Variants in FRA10AC1 observed in about 807,000 individuals in gnomAD.
The protein encoded by FRA10AC1 is protein FRA10AC1.
Under a neutral mutation model 56.5 loss-of-function variants are expected in FRA10AC1, and 43 were observed. The observed-to-expected ratio is 0.76, with a 90% CI of 0.60 to 0.98. The LOEUF (loss-of-function observed/expected upper bound fraction) is 0.98. Ranked by LOEUF, FRA10AC1 falls within the 50% of genes least tolerant of loss-of-function variation. FRA10AC1 has a pLI of 0.00. For missense variants in FRA10AC1, 346 were observed against 351.8 expected (o/e 0.98, Z 0.13); for synonymous variants, 112 against 110.5 (o/e 1.01, Z -0.09).
At chr10:93,700,166 A>G in intron 1 of FRA10AC1, 60 bp from the exon 2 acceptor site, 1 of 961,516 alleles carries the variant, frequency 1.0e-6, no homozygotes, top group Non-Finnish European at 1.6e-6. Flanking sequence ...CCAGGAAACA[A>G]TAATTCAAAA....
Position 93,702,519 on chromosome 10 carries a change from A to ACCACCG in FRA10AC1, c.-151_-146dup, listed in dbSNP as rs1554897681. The ACCACCG allele has an allele frequency of 4.4e-5, 7 of 159,560 alleles. No individual in the cohort carries two copies. In the East Asian group the frequency reaches 1.2e-3, roughly 27 times the overall value. The allele number at this position is 159,560 out of a possible 1,614,324, so 9.9% of individuals were successfully genotyped here. A position where few individuals can be genotyped will look rare whatever the true frequency, so the allele number is the denominator to read the frequency against. ...CCTGCCGCACAGCCTCGCCACAACCACCACCGCCGCCGCCGCCGCCGCCGC... is the reference window on the plus strand; with the variant it reads ...CCTGCCGCACAGCCTCGCCACAACCACCACCGCCACCGCCGCCGCCGCCGCCGCCGC... On this transcript the variant is annotated 5_prime_UTR_variant, in exon 1 of 14. Transcript: ENST00000359204.
At position 93,669,780 on chromosome 10, in the gene FRA10AC1, C is replaced by T. The variant is rs189385723; in HGVS notation, c.*46G>A. 1.5e-6 allele frequency: 2 copies of T among 1,306,448 alleles called. No individual in the cohort carries two copies. The highest frequency in any genetic ancestry group is 4.8e-5 in the East Asian group (2 of 41,832). 80.9% of individuals were successfully genotyped at this position (1,306,448 alleles called of 1,614,324 possible). On this transcript the variant is annotated 3_prime_UTR_variant, in exon 14 of 14. Transcript: ENST00000359204. ...ATTTCAAATTGCATGAAGTTTAAAA[C>T]TTCATGAAGTTTCACATTAAGGAGC...
In FRA10AC1 at chr10:93,670,835, C is replaced by G; in HGVS notation, c.840G>C (p.Glu280Asp). 1 of 1,609,980 alleles carries G rather than the reference C, an allele frequency of 6.2e-7. No individual in the cohort carries two copies. Among genetic ancestry groups the G allele is most frequent in the Non-Finnish European group, 8.5e-7 (1 of 1,176,838 alleles). ...SEDSLLRNSD[E>D]EESASESELW... is the part of the protein sequence containing the mutation. The stretch of plus-strand genomic sequence containing the variant: ...GTTCAGATTCTGAAGCACTTTCTTC[C>G]TCATCAGAGTTTCCTGTTCATTTAA... The change falls in exon 13 of 14, where the codon GAG becomes GAC. Residue 280 changes from glutamate to aspartate, a missense_variant. By Grantham distance (45) the Glu-to-Asp change is conservative (BLOSUM62 2). Coordinates refer to ENST00000359204, the MANE Select transcript of FRA10AC1 (RefSeq NM_145246.5).
chr10:93,688,794 AAAAC>A (rs890509507), intron 7 of FRA10AC1, among the ~76,000 whole-genome samples: 2 of 152,146 alleles, frequency 1.3e-5, no homozygotes, highest in African/African-American at 4.8e-5. Context: ...AGCCTGTCTC[AAAAC>A]AAACAAACAA....
At chr10:93,681,057 T>C (rs1237393081) in intron 11 of FRA10AC1, among the ~76,000 whole-genome samples, 3 of 152,194 alleles carry the variant, frequency 2.0e-5, no homozygotes, top group South Asian at 2.1e-4. Flanking sequence ...TTATAGATTA[T>C]AGACTGTTTA....
intron 4 of FRA10AC1, among the ~76,000 whole-genome samples, chr10:93,695,569 C>G (rs542276627): frequency 6.6e-6 from 1 of 152,252 alleles, no homozygotes; most frequent in African/African-American, 2.4e-5. Flanking sequence ...CAACAGCACT[C>G]TCTCTAGAGC....
chr10:93,690,270 A>T (rs1447045482), intron 7 of FRA10AC1, among the ~76,000 whole-genome samples: 2 of 152,042 alleles, frequency 1.3e-5, no homozygotes, highest in Non-Finnish European at 2.9e-5. Context: ...CAAATTCTGT[A>T]TTTTTCTCAG....
At chr10:93,679,120 G>T (rs926867592) in intron 11 of FRA10AC1, among the ~76,000 whole-genome samples, 4 of 152,150 alleles carry the variant, frequency 2.6e-5, no homozygotes, top group African/African-American at 9.7e-5. Flanking sequence ...TACCATAGAA[G>T]TTGGGGGTAA....
rs771105664 is a variant in FRA10AC1 at position 93,668,024 on chromosome 10, G to T, written c.*1802C>A. On this transcript the variant is annotated 3_prime_UTR_variant, in exon 14 of 14. Transcript: ENST00000359204. ...TTACTTCCTAGATGGTTCCTTTACA[G>T]CCATGCCCAGCTCAGTGCCTCACAT... The T allele has an allele frequency of 1.3e-5, 2 of 152,108 alleles. No individual in the cohort carries two copies. Among genetic ancestry groups the T allele is most frequent in the African/African-American group, 2.4e-5 (1 of 41,422 alleles). 9.4% of individuals were successfully genotyped at this position (152,108 alleles called of 1,614,324 possible).
intron 13 of FRA10AC1, 105 bp from the exon 14 acceptor site, chr10:93,669,973 G>A: frequency 1.7e-6 from 1 of 603,048 alleles, no homozygotes; most frequent in East Asian, 3.1e-5. Context: ...TCAACATATT[G>A]GCTGATTCTG....
intron 5 of FRA10AC1, among the ~76,000 whole-genome samples, chr10:93,693,539 TATATATATAC>T (rs2059170301): frequency 4.6e-4 from 54 of 116,788 alleles, no homozygotes; most frequent in East Asian, 1.4e-3. Context: ...ACCATATATA[TATATATATAC>T]ACACATACAT....
intron 1 of FRA10AC1, among the ~76,000 whole-genome samples, chr10:93,702,007 T>C (rs186949828): frequency 2.0e-5 from 3 of 152,238 alleles, no homozygotes; most frequent in Non-Finnish European, 4.4e-5. Flanking sequence ...CGGTGTCTTG[T>C]ACAGTGAAAC....
chr10:93,685,426 T>C, intron 8 of FRA10AC1, 67 bp from the exon 9 acceptor site: 1 of 736,056 alleles, frequency 1.4e-6, no homozygotes, highest in Non-Finnish European at 2.3e-6. Flanking sequence ...GATCTAGTAT[T>C]ACCCCTAAAA....
intron 11 of FRA10AC1, among the ~76,000 whole-genome samples, chr10:93,680,134 A>G (rs1481428569): frequency 6.6e-6 from 1 of 152,178 alleles, no homozygotes; most frequent in Non-Finnish European, 1.5e-5. Context: ...TATAAAGTAG[A>G]GACTAGTTCT....
rs2059208096 is a variant in FRA10AC1 at position 93,694,996 on chromosome 10, A to G, written c.220-59T>C. On this transcript the variant is annotated intron_variant, in intron 4 of 13. Coordinates refer to ENST00000359204, the MANE Select transcript of FRA10AC1 (RefSeq NM_145246.5). Reference sequence around the variant, plus strand: ...TAGGAGCTGTTTGGTGTCATAATATATTGCTGATTGGTGGTAAAAAAAAGC... The same window carrying G: ...TAGGAGCTGTTTGGTGTCATAATATGTTGCTGATTGGTGGTAAAAAAAAGC... 3 of 862,930 alleles carry G rather than the reference A, an allele frequency of 3.5e-6. No homozygotes were observed. In the East Asian group the frequency reaches 7.4e-5, roughly 21 times the overall value. 53.5% of individuals were successfully genotyped at this position (862,930 alleles called of 1,614,324 possible). A position where few individuals can be genotyped will look rare whatever the true frequency, so the allele number is the denominator to read the frequency against.
chr10:93,700,221 G>T (rs1232157410), intron 1 of FRA10AC1, 115 bp from the exon 2 acceptor site: 1 of 612,320 alleles, frequency 1.6e-6, no homozygotes, highest in East Asian at 2.9e-5. Context: ...GGATCATTGT[G>T]GGCAGATTCC....
intron 5 of FRA10AC1, among the ~76,000 whole-genome samples, chr10:93,694,032 C>A (rs1429563482): frequency 1.3e-5 from 2 of 151,762 alleles, no homozygotes; most frequent in Non-Finnish European, 2.9e-5. Flanking sequence ...CACTAAAGAA[C>A]TTATCCAGGC....
intron 11 of FRA10AC1, among the ~76,000 whole-genome samples, chr10:93,678,954 T>C (rs965772633): frequency 6.6e-6 from 1 of 152,112 alleles, no homozygotes; most frequent in Non-Finnish European, 1.5e-5. Context: ...TAAGCGTTTA[T>C]TAATTACTCT....
intron 10 of FRA10AC1, 56 bp downstream of exon 10, chr10:93,684,000 A>C: frequency 8.6e-7 from 1 of 1,160,708 alleles, no homozygotes; most frequent in South Asian, 1.3e-5. Flanking sequence ...TAGTGCAGGT[A>C]AATGACTATA....
Sources: gnomAD v4.1 joint callset for allele counts (sites outside exome capture counted in the v4.1 genomes callset) on GRCh38, gnomAD v4.1.1 for gene constraint, MANE v1.5 for transcripts, NCBI Gene and HGNC (gene_info 2026-07-23, HGNC 2026-07-21) for gene names.